FIP1L1: variants seen among roughly 807,000 people sequenced by gnomAD.
FIP1L1 encodes pre-mRNA 3'-end-processing factor FIP1.
A neutral mutation model predicts 84.6 loss-of-function variants in FIP1L1; 21 were observed. The ratio of observed to expected loss-of-function variants is 0.25; its 90% confidence interval spans 0.18 to 0.36. FIP1L1 has a LOEUF of 0.36. FIP1L1 is among the 10% of genes least tolerant of loss of function. FIP1L1 has a pLI of 1.00. For synonymous variants in FIP1L1, 263 were observed against 242.3 expected (o/e 1.09, Z -0.80); for missense variants, 526 against 751.1 (o/e 0.70, Z 3.50).
intron 13 of FIP1L1, among the ~76,000 whole-genome samples, chr4:53,439,993 A>G (rs148013383): frequency 6.6e-5 from 10 of 152,070 alleles, no homozygotes; most frequent in African/African-American, 2.4e-4. Flanking sequence ...ATTCACGTTT[A>G]TGTTAATGTG....
At chr4:53,406,254 A>G (rs1392688008) in intron 10 of FIP1L1, among the ~76,000 whole-genome samples, 1 of 152,234 alleles carries the variant, frequency 6.6e-6, no homozygotes, top group African/African-American at 2.4e-5. Flanking sequence ...CCTTTTCTGC[A>G]TCTATTGAGA....
At chr4:53,436,057 A>G (rs1769039231) in intron 13 of FIP1L1, among the ~76,000 whole-genome samples, 1 of 142,578 alleles carries the variant, frequency 7.0e-6, no homozygotes, top group Non-Finnish European at 1.6e-5. Flanking sequence ...CTTGGAATTT[A>G]CTAGTGAGAA....
chr4:53,428,199 G>A lies in FIP1L1; in HGVS notation c.1174+16G>A. 5 of 1,508,708 alleles carry A rather than the reference G, an allele frequency of 3.3e-6. No individual in the cohort carries two copies. The highest frequency in any genetic ancestry group is 4.5e-6 in the Non-Finnish European group (5 of 1,121,706). 93.5% of individuals were successfully genotyped at this position (1,508,708 alleles called of 1,614,324 possible). On this transcript the variant is annotated intron_variant, in intron 13 of 17. Transcript: ENST00000337488. ...CCACCACCGGGTAAATAGTAAATAA[G>A]ACATTTGACTTTGAAAGAAAAATAG...
chr4:53,425,071 TGAAATATAGATGAAGA>T (rs1330052260), intron 11 of FIP1L1, among the ~76,000 whole-genome samples: 1 of 152,138 alleles, frequency 6.6e-6, no homozygotes, highest in African/African-American at 2.4e-5. Flanking sequence ...TGTTCAGAAC[TGAAATATAGATGAAGA>T]GAAATTCATC....
intron 10 of FIP1L1, among the ~76,000 whole-genome samples, chr4:53,406,935 T>G (rs1411862920): frequency 6.6e-6 from 1 of 152,190 alleles, no homozygotes. Context: ...AGTCTATCAA[T>G]TTTGTTGATC....
At chr4:53,401,220 A>G (rs763235837) in intron 10 of FIP1L1, among the ~76,000 whole-genome samples, 3 of 152,200 alleles carry the variant, frequency 2.0e-5, no homozygotes, top group Admixed American at 6.5e-5. Context: ...ACTATTTAAA[A>G]ATCAATAGTT....
At chr4:53,405,981 C>T (rs1289577146) in intron 10 of FIP1L1, among the ~76,000 whole-genome samples, 1 of 151,904 alleles carries the variant, frequency 6.6e-6, no homozygotes, top group Non-Finnish European at 1.5e-5. Flanking sequence ...TCCTCTTTTC[C>T]TAATTGAATA....
rs7672678 is a variant in FIP1L1, at chr4:53,407,107, G to A, written c.815+7268G>A. Among the ~76,000 whole-genome samples the A allele has an allele frequency of 3.7e-3, 565 of 152,224 alleles. 5 individuals carry two copies. Among genetic ancestry groups the A allele is most frequent in the African/African-American group, 0.013 (539 of 41,518 alleles). ...GTTCTTTTAATTGTGATGTTAGGGT[G>A]TCAATTTTAGATCTTTCCTTCTTTC... is the stretch of plus-strand genomic sequence containing the variant. On this transcript the variant is annotated intron_variant, in intron 10 of 17. Transcript: ENST00000337488.
intron 11 of FIP1L1, among the ~76,000 whole-genome samples, chr4:53,419,425 A>G (rs1191103579): frequency 1.3e-5 from 2 of 152,072 alleles, no homozygotes; most frequent in South Asian, 2.1e-4. Context: ...TGAAAATGAA[A>G]CTAATTGGAT....
Position 53,377,749 on chromosome 4 carries a change from G to T in FIP1L1, c.-90G>T. The T allele has an allele frequency of 1.6e-6, 2 of 1,252,780 alleles. No individual in the cohort carries two copies. Among genetic ancestry groups the T allele is most frequent in the African/African-American group, 3.1e-5 (2 of 64,716 alleles). 77.6% of individuals were successfully genotyped at this position (1,252,780 alleles called of 1,614,324 possible). A position where few individuals can be genotyped will look rare whatever the true frequency, so the allele number is the denominator to read the frequency against. ...TCTTCGTTCGTTCGTCGGCGGGTTC[G>T]CGCCCTTCTCGCGCCTCGGGGCTGC... On this transcript the variant is annotated 5_prime_UTR_variant, in exon 1 of 18. Coordinates refer to ENST00000337488, the MANE Select transcript of FIP1L1 (RefSeq NM_030917.4).
chr4:53,388,212 A>G (rs928660442), intron 5 of FIP1L1, among the ~76,000 whole-genome samples: 1 of 152,238 alleles, frequency 6.6e-6, no homozygotes, highest in Non-Finnish European at 1.5e-5. Flanking sequence ...AGTAATTATT[A>G]TTAGACCCAA....
chr4:53,436,871 T>C (rs1465331155), intron 13 of FIP1L1, among the ~76,000 whole-genome samples: 2 of 152,148 alleles, frequency 1.3e-5, no homozygotes, highest in African/African-American at 4.8e-5. Flanking sequence ...CACCCACTTT[T>C]ACATTTAAGT....
In FIP1L1 at chr4:53,377,674, C is replaced by G; in HGVS notation, c.-165C>G. 1 of 619,618 alleles carries G rather than the reference C, an allele frequency of 1.6e-6. No individual in the cohort carries two copies. The highest frequency in any genetic ancestry group is 2.7e-6 in the Non-Finnish European group (1 of 373,802). The allele number at this position is 619,618 out of a possible 1,614,324, so 38.4% of individuals were successfully genotyped here. ...GCAGACGGACCTGCGCTGGAGGCTT[C>G]ATCTTTGCCGCCGCTGCCGTCGCCT... is the stretch of plus-strand genomic sequence containing the variant. On this transcript the variant is annotated 5_prime_UTR_variant, in exon 1 of 18. Coordinates refer to ENST00000337488, the MANE Select transcript of FIP1L1 (RefSeq NM_030917.4).
chr4:53,454,180 TTACAA>T (rs1241946790), intron 16 of FIP1L1, among the ~76,000 whole-genome samples: 45 of 152,248 alleles, frequency 3.0e-4, no homozygotes, highest in Admixed American at 1.4e-3. Context: ...TCTCATAAGA[TTACAA>T]TACTGTTTTT....
At chr4:53,377,964 C>T in intron 1 of FIP1L1, 41 bp downstream of exon 1, 1 of 1,500,552 alleles carries the variant, frequency 6.7e-7, no homozygotes, top group Non-Finnish European at 9.0e-7. Flanking sequence ...TTCTCTCAGG[C>T]CTCCCCTCTT....
At chr4:53,412,090 A>T (rs1184579235) in intron 10 of FIP1L1, among the ~76,000 whole-genome samples, 1 of 152,158 alleles carries the variant, frequency 6.6e-6, no homozygotes, top group African/African-American at 2.4e-5. Flanking sequence ...TTGCAAAAAA[A>T]AGTACAAATA....
At chr4:53,415,884 TTAGAG>T (rs1759279802) in intron 11 of FIP1L1, among the ~76,000 whole-genome samples, 2 of 152,200 alleles carry the variant, frequency 1.3e-5, no homozygotes, top group Non-Finnish European at 2.9e-5. Flanking sequence ...AGCTGCATTC[TTAGAG>T]TAGTGTCAGT....
At chr4:53,451,060 A>G (rs1203658507) in intron 15 of FIP1L1, among the ~76,000 whole-genome samples, 1 of 150,266 alleles carries the variant, frequency 6.7e-6, no homozygotes, top group Admixed American at 6.7e-5. Context: ...TTCCTGGTTC[A>G]GGCAATTCCT....
At chr4:53,443,988 A>G in intron 14 of FIP1L1, 60 bp from the exon 15 acceptor site, 3 of 1,203,882 alleles carry the variant, frequency 2.5e-6, no homozygotes, top group East Asian at 2.4e-5. Flanking sequence ...TTTGTACTAC[A>G]TTATTAAAAT....
Sources: allele counts gnomAD v4.1 joint callset (sites outside exome capture counted in the v4.1 genomes callset), GRCh38; gene constraint gnomAD v4.1.1; transcripts MANE v1.5; gene names NCBI Gene and HGNC (gene_info 2026-07-23, HGNC 2026-07-21).